Variants in DPP10 observed in about 807,000 individuals in gnomAD.
DPP10 encodes the protein dipeptidyl peptidase like 10.
DPP10 carries 33 observed loss-of-function variants against 120.9 expected under a neutral mutation model. That is an observed-to-expected ratio of 0.27 (90% CI 0.21 to 0.37). The LOEUF (loss-of-function observed/expected upper bound fraction) is 0.37. DPP10 is among the 10% of genes least tolerant of loss of function. The pLI is 1.00. For synonymous variants in DPP10, 337 were observed against 326.1 expected (o/e 1.03, Z -0.36); for missense variants, 816 against 942.8 (o/e 0.87, Z 1.76).
intron 1 of DPP10, among the ~76,000 whole-genome samples, chr2:114,889,030 T>C (rs1184592331): frequency 6.6e-6 from 1 of 152,092 alleles, no homozygotes; most frequent in Non-Finnish European, 1.5e-5. Flanking sequence ...ATATGACTGG[T>C]GTCTTTACGA....
intron 5 of DPP10, among the ~76,000 whole-genome samples, chr2:115,562,345 C>T (rs1236632460): frequency 6.6e-6 from 1 of 152,172 alleles, no homozygotes; most frequent in Non-Finnish European, 1.5e-5. Flanking sequence ...CTTTCAATCC[C>T]TTGTCTTACT....
At chr2:115,212,157 A>G (rs1327911730) in intron 1 of DPP10, among the ~76,000 whole-genome samples, 1 of 152,084 alleles carries the variant, frequency 6.6e-6, no homozygotes, top group Non-Finnish European at 1.5e-5. Flanking sequence ...TTACCTTTAA[A>G]CTAAACACTT....
In DPP10 at chr2:115,483,437, GTCTATCTA is replaced by G. The variant is rs1239559179; in HGVS notation, c.272-16037_272-16030del. Among the ~76,000 whole-genome samples, 47 of 145,776 alleles carry G rather than the reference GTCTATCTA, an allele frequency of 3.2e-4. 1 individual carries two copies. Among genetic ancestry groups the G allele is most frequent in the African/African-American group, 1.1e-3 (44 of 38,878 alleles). The stretch of plus-strand genomic sequence containing the variant: ...CACTGCCTGATATGTCTATCTGTCT[GTCTATCTA>G]TCTATCTATCTATCTATCTATCTAT... On this transcript the variant is annotated intron_variant, in intron 3 of 25. Coordinates refer to ENST00000410059, the MANE Select transcript of DPP10 (RefSeq NM_020868.6).
At chr2:115,266,422 GT>G (rs35619632) in intron 1 of DPP10, among the ~76,000 whole-genome samples, 5,526 of 152,162 alleles carry the variant, frequency 0.036, 214 homozygotes, top group East Asian at 0.2. Flanking sequence ...TCTACCATGT[GT>G]TTTCTGGGGC....
intron 1 of DPP10, among the ~76,000 whole-genome samples, chr2:115,260,474 A>G (rs753602052): frequency 4.6e-5 from 7 of 152,192 alleles, no homozygotes; most frequent in Non-Finnish European, 8.8e-5. Context: ...CGCAAGATAA[A>G]TCACTCTGCT....
chr2:115,167,565 C>T (rs906843798), intron 1 of DPP10, among the ~76,000 whole-genome samples: 14 of 149,254 alleles, frequency 9.4e-5, no homozygotes, highest in African/African-American at 3.2e-4. Context: ...TGAGATTGTG[C>T]CACTGCACTC....
chr2:114,469,734 A>T (rs1250516386), intron 1 of DPP10, among the ~76,000 whole-genome samples: 1 of 152,180 alleles, frequency 6.6e-6, no homozygotes, highest in African/African-American at 2.4e-5. Context: ...TCTCAAAAAA[A>T]ACAAAAATAC....
chr2:115,782,195 A>T (rs765758202), intron 16 of DPP10, among the ~76,000 whole-genome samples, 157 bp from the exon 17 acceptor site: 21 of 152,058 alleles, frequency 1.4e-4, no homozygotes, highest in Non-Finnish European at 2.9e-4. Flanking sequence ...TAAAACGCTT[A>T]TAAATAGGAA....
chr2:115,758,414 A>G (rs183281508), intron 11 of DPP10, among the ~76,000 whole-genome samples: 149 of 152,274 alleles, frequency 9.8e-4, no homozygotes, highest in African/African-American at 3.3e-3. Flanking sequence ...AAATACCCCA[A>G]TACTGAATAC....
At chr2:115,714,297 T>G (rs1426944279) in intron 7 of DPP10, among the ~76,000 whole-genome samples, 2 of 152,204 alleles carry the variant, frequency 1.3e-5, no homozygotes, top group African/African-American at 4.8e-5. Context: ...TCCTGTTCAC[T>G]TACTGCTTTT....
chr2:115,376,837 T>G (rs551832880), intron 3 of DPP10, among the ~76,000 whole-genome samples: 13 of 150,860 alleles, frequency 8.6e-5, no homozygotes, highest in African/African-American at 2.9e-4. Flanking sequence ...TTACTGAGAA[T>G]GATGATTTCC....
rs1017488015 is a variant in DPP10, at chr2:115,342,043, C to G, written c.176-1774C>G. On this transcript the variant is annotated intron_variant, in intron 2 of 25. Transcript: ENST00000410059. ...CAGATTATTTTCCAAAGTGACTGTACCATTTTGCATTCTTACCCAGGAATT... is the reference window on the plus strand; with the variant it reads ...CAGATTATTTTCCAAAGTGACTGTAGCATTTTGCATTCTTACCCAGGAATT... 1.8e-4 allele frequency: 72 copies of G among 410,440 alleles called. 2 individuals are homozygous for G. Among genetic ancestry groups the G allele is most frequent in the Non-Finnish European group, 1.9e-5 (4 of 206,828 alleles). 25.4% of individuals were successfully genotyped at this position (410,440 alleles called of 1,614,324 possible).
rs545009756 is a variant in DPP10 at position 115,628,894 on chromosome 2, C to T, written c.442-60793C>T. On this transcript the variant is annotated intron_variant, in intron 5 of 25. Transcript: ENST00000410059. ...GGTTTGTTACATATGTATACATGTG[C>T]CATGTTGGTGTGCTGCACCCATTAA... Among the ~76,000 whole-genome samples, 302 of 151,774 alleles carry T rather than the reference C, an allele frequency of 2.0e-3. 3 individuals are homozygous for T. The highest frequency in any genetic ancestry group is 6.8e-3 in the African/African-American group (282 of 41,340).
intron 5 of DPP10, among the ~76,000 whole-genome samples, chr2:115,672,879 T>C (rs1223649775): frequency 6.6e-6 from 1 of 151,764 alleles, no homozygotes; most frequent in East Asian, 1.9e-4. Flanking sequence ...CCTGAGTAGC[T>C]GGGACTACAT....
chr2:115,346,897 T>A (rs148510732), intron 3 of DPP10, among the ~76,000 whole-genome samples: 12 of 152,252 alleles, frequency 7.9e-5, no homozygotes, highest in African/African-American at 2.4e-4. Flanking sequence ...AAACTTGACC[T>A]CTTTCATTGT....
chr2:114,608,529 T>G (rs1307046275), intron 1 of DPP10, among the ~76,000 whole-genome samples: 3 of 152,246 alleles, frequency 2.0e-5, no homozygotes, highest in Non-Finnish European at 4.4e-5. Context: ...TTCACAACCC[T>G]AAGATATAAA....
chr2:114,816,192 T>A (rs1241848875), intron 1 of DPP10, among the ~76,000 whole-genome samples: 1 of 152,172 alleles, frequency 6.6e-6, no homozygotes, highest in African/African-American at 2.4e-5. Context: ...TTGTTAGCCC[T>A]TTTTTGTCTT....
Position 115,493,870 on chromosome 2 carries a change from G to A in DPP10, c.272-5640G>A, listed in dbSNP as rs76474198. 2.3e-3 allele frequency among the ~76,000 whole-genome samples: 343 copies of A among 152,172 alleles called. 1 individual carries two copies. Among genetic ancestry groups the A allele is most frequent in the African/African-American group, 7.6e-3 (317 of 41,530 alleles). On this transcript the variant is annotated intron_variant, in intron 3 of 25. Transcript: ENST00000410059. ...TGGAGAACAAGGTGGAAACCCCTCA[G>A]GCAAAAGGTTTATTGAGGCTTACTG...
At chr2:115,831,688 C>A (rs1167170248) in intron 21 of DPP10, among the ~76,000 whole-genome samples, 1 of 152,162 alleles carries the variant, frequency 6.6e-6, no homozygotes, top group Non-Finnish European at 1.5e-5. Context: ...TTCTCCAAGT[C>A]CTTCTATCTA....
Sources: gnomAD v4.1 joint callset for allele counts (sites outside exome capture counted in the v4.1 genomes callset) on GRCh38, gnomAD v4.1.1 for gene constraint, MANE v1.5 for transcripts, NCBI Gene and HGNC (gene_info 2026-07-23, HGNC 2026-07-21) for gene names.